ZFP2: variants seen among roughly 807,000 people sequenced by gnomAD.
The protein encoded by ZFP2 is ZFP2 zinc finger protein, also known as zinc finger protein ZFP2.
ZFP2 carries 33 observed loss-of-function variants against 36.1 expected under a neutral mutation model. The ratio of observed to expected loss-of-function variants is 0.92; its 90% CI spans 0.69 to 1.22. ZFP2 has a LOEUF of 1.22. Among genes scored for constraint, ZFP2 ranks in the 50% most tolerant of loss-of-function variants. The pLI, the probability that ZFP2 is intolerant of heterozygous loss-of-function variation, is 0.00. For missense variants in ZFP2, 522 were observed against 551.4 expected (o/e 0.95, Z 0.53); for synonymous variants, 170 against 178.0 (o/e 0.96, Z 0.36).
At chr5:178,919,517 T>C (rs1212151082) in intron 4 of ZFP2, among the ~76,000 whole-genome samples, 6 of 152,226 alleles carry the variant, frequency 3.9e-5, no homozygotes, top group Non-Finnish European at 4.4e-5. Flanking sequence ...TGGTTATTTC[T>C]TTCAGCACTT....
At chr5:178,921,897 C>T (rs746782497) in intron 4 of ZFP2, among the ~76,000 whole-genome samples, 1 of 149,440 alleles carries the variant, frequency 6.7e-6, no homozygotes, top group Non-Finnish European at 1.5e-5. Context: ...AGGCCTACTC[C>T]ACCTTATCAG....
rs528147011 is a variant in ZFP2 at position 178,908,914 on chromosome 5, C to T, written c.-449-3670C>T. ...GACATAGTGTAAAAGAGTCTTGGAACGTGTCTGGGGTCTGGGGTCTAAAAC... is the reference window on the plus strand; with the variant it reads ...GACATAGTGTAAAAGAGTCTTGGAATGTGTCTGGGGTCTGGGGTCTAAAAC... On this transcript the variant is annotated intron_variant, in intron 1 of 4. Coordinates refer to ENST00000361362, the MANE Select transcript of ZFP2 (RefSeq NM_030613.4). Among the ~76,000 whole-genome samples the T allele has an allele frequency of 8.2e-4, 125 of 152,294 alleles. 2 individuals carry two copies. Among genetic ancestry groups the T allele is most frequent in the Admixed American group, 7.9e-3 (121 of 15,296 alleles).
chr5:178,921,367 C>CAACATTTTTCTTTCTTCTT (rs1554106974), intron 4 of ZFP2, among the ~76,000 whole-genome samples: 1 of 150,668 alleles, frequency 6.6e-6, no homozygotes, highest in Admixed American at 6.6e-5. Context: ...GTGACCATCC[C>CAACATTTTTCTTTCTTCTT]TATGTAGAGC....
intron 1 of ZFP2, among the ~76,000 whole-genome samples, chr5:178,901,939 G>C (rs895787665): frequency 6.6e-6 from 1 of 152,076 alleles, no homozygotes; most frequent in Non-Finnish European, 1.5e-5. Flanking sequence ...TTCGAGACCA[G>C]CCTGGCCAAC....
At chr5:178,899,017 T>G (rs1330461862) in intron 1 of ZFP2, among the ~76,000 whole-genome samples, 1 of 152,100 alleles carries the variant, frequency 6.6e-6, no homozygotes, top group Non-Finnish European at 1.5e-5. Flanking sequence ...CAAGTGTGGT[T>G]AGGGACCCAG....
At chr5:178,907,385 G>A (rs1316022205) in intron 1 of ZFP2, among the ~76,000 whole-genome samples, 3 of 150,916 alleles carry the variant, frequency 2.0e-5, no homozygotes, top group Non-Finnish European at 4.4e-5. Context: ...TACATATTTG[G>A]GGGTAGGGAA....
intron 1 of ZFP2, among the ~76,000 whole-genome samples, chr5:178,908,273 C>T (rs1324999370): frequency 1.3e-5 from 2 of 151,840 alleles, no homozygotes; most frequent in African/African-American, 2.4e-5. Flanking sequence ...ATGGTGAAAC[C>T]CTGTCTCTAC....
intron 1 of ZFP2, among the ~76,000 whole-genome samples, chr5:178,902,943 T>C (rs1402290895): frequency 6.6e-6 from 1 of 152,206 alleles, no homozygotes; most frequent in Non-Finnish European, 1.5e-5. Flanking sequence ...TTTCTTTGAT[T>C]ATGTGGGCAT....
intron 1 of ZFP2, chr5:178,910,242 C>T (rs1407456686): frequency 2.1e-5 from 33 of 1,579,510 alleles, no homozygotes; most frequent in Admixed American, 1.0e-4. Flanking sequence ...GAGCAGCACT[C>T]GGAATTCTGT....
At chr5:178,906,564 ATTTT>A (rs869289531) in intron 1 of ZFP2, among the ~76,000 whole-genome samples, 1 of 142,994 alleles carries the variant, frequency 7.0e-6, no homozygotes, top group African/African-American at 2.8e-5. Flanking sequence ...TTATTTATTT[ATTTT>A]TTTTTGAGAC....
chr5:178,899,450 C>T (rs1318408003), intron 1 of ZFP2, among the ~76,000 whole-genome samples: 1 of 152,144 alleles, frequency 6.6e-6, no homozygotes, highest in African/African-American at 2.4e-5. Flanking sequence ...TCATCCCAGC[C>T]AAGAGCCTGT....
intron 4 of ZFP2, among the ~76,000 whole-genome samples, chr5:178,925,126 TACACACACACAC>T (rs70997651): frequency 6.7e-5 from 9 of 133,564 alleles, no homozygotes; most frequent in Non-Finnish European, 1.1e-4. Context: ...TATATATATA[TACACACACACAC>T]ACACACACAC....
At chr5:178,906,181 C>A (rs2113063716) in intron 1 of ZFP2, among the ~76,000 whole-genome samples, 1 of 152,278 alleles carries the variant, frequency 6.6e-6, no homozygotes, top group East Asian at 1.9e-4. Flanking sequence ...AGAGCCAGGA[C>A]TTAAGGTGGT....
At chr5:178,898,709 T>G (rs1292804964) in intron 1 of ZFP2, among the ~76,000 whole-genome samples, 1 of 152,114 alleles carries the variant, frequency 6.6e-6, no homozygotes, top group Non-Finnish European at 1.5e-5. Context: ...ACCTCCCCCT[T>G]CCTCCTGTAC....
intron 4 of ZFP2, among the ~76,000 whole-genome samples, chr5:178,923,027 A>G (rs1182074218): frequency 1.3e-5 from 2 of 149,630 alleles, no homozygotes; most frequent in African/African-American, 2.4e-5. Context: ...GAATTTACAA[A>G]TTCACTGCTT....
Position 178,916,697 on chromosome 5 carries a change from C to A in ZFP2, c.-91C>A. The A allele has an allele frequency of 1.0e-6, 1 of 985,418 alleles. No individual in the cohort carries two copies. The highest frequency in any genetic ancestry group is 1.2e-6 in the Non-Finnish European group (1 of 829,932). 61.0% of individuals were successfully genotyped at this position (985,418 alleles called of 1,614,324 possible). A position where few individuals can be genotyped will look rare whatever the true frequency, so the allele number is the denominator to read the frequency against. Reference sequence around the variant, plus strand: ...CAGCCAGCATCTCACTTACTTGACACAAAACATCTATAGGTAAGTACTGGT... The same window carrying A: ...CAGCCAGCATCTCACTTACTTGACAAAAAACATCTATAGGTAAGTACTGGT... On this transcript the variant is annotated 5_prime_UTR_variant, in exon 4 of 5. Transcript: ENST00000361362.
intron 1 of ZFP2, among the ~76,000 whole-genome samples, chr5:178,896,718 GCATAGAAA>G (rs1190104144): frequency 6.6e-6 from 1 of 152,184 alleles, no homozygotes; most frequent in Admixed American, 6.5e-5. Context: ...ATGTGTATAA[GCATAGAAA>G]CACTTTGTAC....
At chr5:178,900,084 A>G (rs1041932863) in intron 1 of ZFP2, among the ~76,000 whole-genome samples, 4 of 152,236 alleles carry the variant, frequency 2.6e-5, no homozygotes, top group Admixed American at 2.0e-4. Flanking sequence ...AAGCATTAAG[A>G]AGATTTTGGT....
chr5:178,899,201 T>C (rs1422178430), intron 1 of ZFP2, among the ~76,000 whole-genome samples: 2 of 152,158 alleles, frequency 1.3e-5, no homozygotes, highest in African/African-American at 4.8e-5. Context: ...AGCTACATTG[T>C]CTTGGCAAGA....
Sources: allele counts gnomAD v4.1 joint callset (sites outside exome capture counted in the v4.1 genomes callset), GRCh38; gene constraint gnomAD v4.1.1; transcripts MANE v1.5; gene names NCBI Gene and HGNC (gene_info 2026-07-23, HGNC 2026-07-21).